PCDHA1: variants seen among roughly 807,000 people sequenced by gnomAD.
PCDHA1 encodes protocadherin alpha 1, also known as protocadherin alpha-1.
Under a neutral mutation model 61.3 loss-of-function variants are expected in PCDHA1, and 42 were observed. The observed-to-expected ratio is 0.69, with a 90% CI of 0.54 to 0.89. The LOEUF (loss-of-function observed/expected upper bound fraction) is 0.89. Ranked by LOEUF, PCDHA1 falls within the 40% of genes least tolerant of loss-of-function variation. PCDHA1 has a pLI of 0.00. For missense variants in PCDHA1, 1,256 were observed against 1,235.3 expected (o/e 1.02, Z -0.25); for synonymous variants, 610 against 553.8 (o/e 1.10, Z -1.43).
chr5:140,793,209 C>T (rs1466674331), intron 1 of PCDHA1, among the ~76,000 whole-genome samples: 3 of 152,272 alleles, frequency 2.0e-5, no homozygotes, highest in African/African-American at 7.2e-5. Flanking sequence ...AAAAGTCTAT[C>T]TGAGAAGAAG....
At chr5:140,833,801 A>G (rs146837800) in intron 1 of PCDHA1, among the ~76,000 whole-genome samples, 1 of 152,242 alleles carries the variant, frequency 6.6e-6, no homozygotes, top group South Asian at 2.1e-4. Flanking sequence ...CAATCAGTAG[A>G]TTCTTGAGAT....
intron 1 of PCDHA1, among the ~76,000 whole-genome samples, chr5:140,878,696 A>G (rs570754583): frequency 6.6e-6 from 1 of 152,360 alleles, no homozygotes; most frequent in East Asian, 1.9e-4. Context: ...TACATACCCC[A>G]GCCTGGTAGT....
chr5:140,848,487 G>T (rs2150411102), intron 1 of PCDHA1: 1 of 1,574,380 alleles, frequency 6.4e-7, no homozygotes, highest in Non-Finnish European at 8.7e-7. Context: ...AGAAGACTGA[G>T]TATTTGAAAT....
At position 140,857,752 on chromosome 5, in the gene PCDHA1, C is replaced by G. The variant is rs7725388; in HGVS notation, c.2394+69068C>G. ...ACGCTCCCGCGCTGCTGGCGTCTCCCGCTGGCAGCGCGGGCGGTGCAGTCA... is the reference window on the plus strand; with the variant it reads ...ACGCTCCCGCGCTGCTGGCGTCTCCGGCTGGCAGCGCGGGCGGTGCAGTCA... On this transcript the variant is annotated intron_variant, in intron 1 of 3. Transcript: ENST00000504120. The G allele has an allele frequency of 4.5e-3, 7,184 of 1,597,166 alleles. 625 individuals are homozygous for G. The African/African-American group carries it at 0.078, about 17-fold the overall frequency.
At chr5:140,948,136 T>C (rs2094216707) in intron 1 of PCDHA1, among the ~76,000 whole-genome samples, 1 of 151,776 alleles carries the variant, frequency 6.6e-6, no homozygotes, top group African/African-American at 2.4e-5. Flanking sequence ...ATTACACTAA[T>C]TGATTTTTGA....
At position 140,850,706 on chromosome 5, in the gene PCDHA1, G is replaced by A. The variant is rs2150495171; in HGVS notation, c.2394+62022G>A. ...AGGGCGAGTGCGCGCCTGGCAAGCC[G>A]ACGCTGGTGTGTTCTAGCGCGGTGG... is the stretch of plus-strand genomic sequence containing the variant. On this transcript the variant is annotated intron_variant, in intron 1 of 3. Coordinates refer to ENST00000504120, the MANE Select transcript of PCDHA1 (RefSeq NM_018900.4). 7 of 1,598,146 alleles carry A rather than the reference G, an allele frequency of 4.4e-6. No individual in the cohort carries two copies. In the East Asian group the frequency reaches 1.3e-4, roughly 31 times the overall value.
chr5:140,829,328 C>A (rs782173510), intron 1 of PCDHA1: 1 of 1,614,244 alleles, frequency 6.2e-7, no homozygotes, highest in East Asian at 2.2e-5. Context: ...GGACAGTGCC[C>A]TGGACCGCGA....
intron 1 of PCDHA1, chr5:140,795,665 A>C: frequency 6.2e-7 from 1 of 1,614,152 alleles, no homozygotes; most frequent in African/African-American, 1.3e-5. Flanking sequence ...AAGGTATTAG[A>C]TGTAAATGAC....
intron 1 of PCDHA1, among the ~76,000 whole-genome samples, chr5:140,960,799 A>C (rs2095571237): frequency 6.6e-6 from 1 of 152,170 alleles, no homozygotes; most frequent in Non-Finnish European, 1.5e-5. Flanking sequence ...TTTCTATTAA[A>C]ATAAGAGGTC....
intron 1 of PCDHA1, chr5:140,796,740 G>A (rs868917473): frequency 6.2e-7 from 1 of 1,614,134 alleles, no homozygotes; most frequent in South Asian, 1.1e-5. Flanking sequence ...ACGTGGTGGC[G>A]AAGGTGCGCG....
intron 1 of PCDHA1, chr5:140,927,374 ACAGCCTAAGCCCCAGT>A: frequency 6.2e-7 from 1 of 1,614,100 alleles, no homozygotes; most frequent in Non-Finnish European, 8.5e-7. Flanking sequence ...ATACTAAGCT[ACAGCCTAAGCCCCAGT>A]CAGCACTTTC....
intron 1 of PCDHA1, 78 bp from the exon 2 acceptor site, chr5:140,978,871 T>A (rs1328301924): frequency 6.2e-7 from 1 of 1,606,392 alleles, no homozygotes; most frequent in Non-Finnish European, 8.5e-7. Context: ...TTTAAGGGAG[T>A]AACTAATCAA....
intron 1 of PCDHA1, chr5:140,854,248 G>A (rs781986027): frequency 3.2e-6 from 2 of 634,534 alleles, no homozygotes; most frequent in Non-Finnish European, 3.9e-6. Context: ...GTTATCACTT[G>A]GTATAAAATG....
chr5:140,865,816 A>G (rs1554159628), intron 1 of PCDHA1: 1 of 152,168 alleles, frequency 6.6e-6, no homozygotes, highest in East Asian at 1.9e-4. Context: ...TTTATCCACT[A>G]TAATGTAGAG....
At chr5:140,912,139 GTTC>G (rs2075787473) in intron 1 of PCDHA1, among the ~76,000 whole-genome samples, 1 of 152,162 alleles carries the variant, frequency 6.6e-6, no homozygotes. Context: ...ATCTCTCCAT[GTTC>G]TTCTGCCTGT....
chr5:140,968,768 C>T, intron 1 of PCDHA1: 1 of 1,614,174 alleles, frequency 6.2e-7, no homozygotes, highest in South Asian at 1.1e-5. Flanking sequence ...TAATGGAGAG[C>T]CATCACTATC....
At chr5:140,892,445 T>C (rs1177566356) in intron 1 of PCDHA1, among the ~76,000 whole-genome samples, 1 of 152,214 alleles carries the variant, frequency 6.6e-6, no homozygotes, top group Non-Finnish European at 1.5e-5. Context: ...AAAATTTACA[T>C]GTATTCTTTA....
At chr5:140,810,218 C>T (rs1352076504) in intron 1 of PCDHA1, 3 of 152,150 alleles carry the variant, frequency 2.0e-5, no homozygotes, top group African/African-American at 7.2e-5. Context: ...CATAAATATA[C>T]TATACCTTAT....
chr5:140,917,359 A>G (rs2078164580), intron 1 of PCDHA1, among the ~76,000 whole-genome samples: 3 of 142,606 alleles, frequency 2.1e-5, no homozygotes, highest in South Asian at 2.2e-4. Flanking sequence ...CTTCTGTTCC[A>G]CTATCTTGCT....
Sources: gnomAD v4.1 joint callset for allele counts (sites outside exome capture counted in the v4.1 genomes callset) on GRCh38, gnomAD v4.1.1 for gene constraint, MANE v1.5 for transcripts, NCBI Gene and HGNC (gene_info 2026-07-23, HGNC 2026-07-21) for gene names.